LGALS9C: variants seen among roughly 807,000 people sequenced by gnomAD.
LGALS9C encodes the protein galectin-9C.
LGALS9C carries 7 observed loss-of-function variants against 41.3 expected under a neutral mutation model. That is an observed-to-expected ratio of 0.17 (90% CI 0.10 to 0.32). LGALS9C has a LOEUF of 0.32. LGALS9C is among the 10% of genes least tolerant of loss of function. The pLI is 1.00. For synonymous variants in LGALS9C, 44 were observed against 171.0 expected (o/e 0.26, Z 5.80); for missense variants, 102 against 455.2 (o/e 0.22, Z 7.06).
Position 18,478,614 on chromosome 17 carries a change from C to T in LGALS9C, c.39+1721C>T, listed in dbSNP as rs1398479441. 3.3e-5 allele frequency among the ~76,000 whole-genome samples: 4 copies of T among 121,178 alleles called. 1 individual carries two copies. Among genetic ancestry groups the T allele is most frequent in the Non-Finnish European group, 6.1e-5 (3 of 49,350 alleles). 79.5% of individuals were successfully genotyped at this position (121,178 alleles called of 152,430 possible). ...ACTCCCACTTCTTGTCTGGCCTCAT[C>T]TAGCCCAGCCTCTTTGGAGGGCTGG... On this transcript the variant is annotated intron_variant, in intron 1 of 10. Coordinates refer to ENST00000328114, the MANE Select transcript of LGALS9C (RefSeq NM_001040078.3).
chr17:18,481,896 T>A (rs1410634584), intron 1 of LGALS9C, among the ~76,000 whole-genome samples: 1 of 138,140 alleles, frequency 7.2e-6, no homozygotes, highest in East Asian at 1.9e-4. Flanking sequence ...GGCTAGTGGG[T>A]GTTTTCTGTT....
chr17:18,492,139 G>C, intron 8 of LGALS9C, 150 bp downstream of exon 8: 1 of 374,912 alleles, frequency 2.7e-6, no homozygotes, highest in Non-Finnish European at 5.0e-6. Flanking sequence ...GCGTCCCAGT[G>C]AATTAGAAGA....
rs569757586 is a variant in LGALS9C, at chr17:18,488,794, C to T, written c.445-147C>T. On this transcript the variant is annotated intron_variant, in intron 4 of 10. Transcript: ENST00000328114. ...GCTGCTCACCGAAGCCTGGCCCTTT[C>T]CGCTCCCGCCTCCGTGTGGCCCTAA... 1.3e-4 allele frequency: 157 copies of T among 1,235,180 alleles called. 3 individuals are homozygous for T. The East Asian group carries it at 3.9e-3, about 31-fold the overall frequency. The allele number at this position is 1,235,180 out of a possible 1,614,324, so 76.5% of individuals were successfully genotyped here.
At chr17:18,481,993 C>T (rs1457253585) in intron 1 of LGALS9C, among the ~76,000 whole-genome samples, 8 of 150,110 alleles carry the variant, frequency 5.3e-5, no homozygotes, top group Admixed American at 4.0e-4. Context: ...ACACACCCAT[C>T]ACTCTGCTCC....
At chr17:18,492,634 G>C (rs1989856147) in intron 9 of LGALS9C, 63 bp from the exon 10 acceptor site, 1 of 1,513,252 alleles carries the variant, frequency 6.6e-7, no homozygotes, top group African/African-American at 1.4e-5. Flanking sequence ...GGCTGGGGAT[G>C]ATGGGGAGGA....
intron 1 of LGALS9C, among the ~76,000 whole-genome samples, chr17:18,480,946 T>C (rs1427680142): frequency 6.8e-6 from 1 of 146,260 alleles, no homozygotes; most frequent in East Asian, 1.9e-4. Context: ...CGAGACCTGG[T>C]CTTTTCAAAA....
At position 18,477,107 on chromosome 17, in the gene LGALS9C, G is replaced by T. The variant is rs1174145784; in HGVS notation, c.39+214G>T. ...GAGAGATGCTCCTCCCATGAGTCAT[G>T]GGTTTGACAGTGTTGGCTGAGCTGT... On this transcript the variant is annotated intron_variant, in intron 1 of 10. Coordinates refer to ENST00000328114, the MANE Select transcript of LGALS9C (RefSeq NM_001040078.3). Among the ~76,000 whole-genome samples the T allele has an allele frequency of 1.5e-5, 2 of 135,200 alleles. 1 individual carries two copies. The highest frequency in any genetic ancestry group is 3.5e-5 in the Non-Finnish European group (2 of 56,816). 88.7% of individuals were successfully genotyped at this position (135,200 alleles called of 152,430 possible).
chr17:18,478,376 C>T (rs2151660170), intron 1 of LGALS9C, among the ~76,000 whole-genome samples: 1 of 120,450 alleles, frequency 8.3e-6, no homozygotes, highest in East Asian at 2.0e-4. Flanking sequence ...GGAGCTCAGA[C>T]AAGAAAGACG....
At chr17:18,493,767 G>A (rs1273771537) in intron 10 of LGALS9C, among the ~76,000 whole-genome samples, 1 of 142,498 alleles carries the variant, frequency 7.0e-6, no homozygotes, top group East Asian at 1.9e-4. Context: ...CTGTAAGAAT[G>A]GAATGAGGCA....
Position 18,487,776 on chromosome 17 carries a change from C to T in LGALS9C, c.444+19C>T, listed in dbSNP as rs774276797. 1.9e-6 allele frequency: 3 copies of T among 1,577,718 alleles called. 1 individual carries two copies. The highest frequency in any genetic ancestry group is 3.4e-5 in the Admixed American group (2 of 58,900). ...CTTCCAGGTCAGACTGTCCACCTGG[C>T]ACCGGTCCCAGGGGCTGGGATGCAG... On this transcript the variant is annotated intron_variant, in intron 4 of 10. Transcript: ENST00000328114.
chr17:18,491,523 G>A (rs1353149418), intron 7 of LGALS9C, among the ~76,000 whole-genome samples, 200 bp downstream of exon 7: 20 of 142,306 alleles, frequency 1.4e-4, no homozygotes, highest in African/African-American at 4.7e-4. Context: ...ATCCAGTGGT[G>A]GAAGAGGCAG....
Position 18,492,536 on chromosome 17 carries a change from G to C in LGALS9C, c.752G>C (p.Ser251Thr). ...ATCCTGTCAGGCACTGTCCTGCCCAGTGCTCAGAGGTAAGCCAAAGGCTCC... is the reference window on the plus strand; with the variant it reads ...ATCCTGTCAGGCACTGTCCTGCCCACTGCTCAGAGGTAAGCCAAAGGCTCC... ...SIILSGTVLP[S>T]AQRFHINLCS... The change falls in exon 9 of 11, where the codon AGT (serine) becomes ACT (threonine). Residue 251 changes from serine to threonine, a missense_variant. Ser to Thr is a moderately conservative substitution (Grantham distance 58). Transcript: ENST00000328114. The C allele has an allele frequency of 6.3e-7, 1 of 1,578,310 alleles. No individual in the cohort carries two copies. The highest frequency in any genetic ancestry group is 8.7e-7 in the Non-Finnish European group (1 of 1,153,188).
chr17:18,484,686 GCT>G (rs1381164843), intron 2 of LGALS9C, among the ~76,000 whole-genome samples: 3 of 150,548 alleles, frequency 2.0e-5, no homozygotes, highest in African/African-American at 7.2e-5. Context: ...TGGACTCATG[GCT>G]CTCTCTCGGA....
chr17:18,489,980 C>T (rs1391008044), intron 5 of LGALS9C: 3 of 115,112 alleles, frequency 2.6e-5, no homozygotes, highest in East Asian at 2.1e-4. Flanking sequence ...GCAGGATCCA[C>T]GACAAGGAGG....
chr17:18,488,696 T>G (rs1989690624), intron 4 of LGALS9C, among the ~76,000 whole-genome samples: 1 of 127,100 alleles, frequency 7.9e-6, no homozygotes, highest in Non-Finnish European at 1.9e-5. Context: ...TCATCTCTCA[T>G]TCCCTCCTTC....
Position 18,487,635 on chromosome 17 carries a change from C to T in LGALS9C, c.334-12C>T. On this transcript the variant is annotated splice_polypyrimidine_tract_variant and intron_variant, in intron 3 of 10. Coordinates refer to ENST00000328114, the MANE Select transcript of LGALS9C (RefSeq NM_001040078.3). ...GGGCACCTCCCCCGAAATACGTGCT[C>T]TCCTCTGGCAGGTGATGGTGAACGG... The T allele has an allele frequency of 6.9e-7, 1 of 1,452,668 alleles. No individual in the cohort carries two copies. The highest frequency in any genetic ancestry group is 9.4e-7 in the Non-Finnish European group (1 of 1,061,604). The allele number at this position is 1,452,668 out of a possible 1,614,324, so 90.0% of individuals were successfully genotyped here.
rs1182661543 is a variant in LGALS9C, at chr17:18,482,986, C to T, written c.40-889C>T. Among the ~76,000 whole-genome samples the T allele has an allele frequency of 1.6e-5, 2 of 124,562 alleles. 1 individual carries two copies. Among genetic ancestry groups the T allele is most frequent in the Non-Finnish European group, 3.9e-5 (2 of 51,228 alleles). The allele number at this position is 124,562 out of a possible 152,430, so 81.7% of individuals were successfully genotyped here. On this transcript the variant is annotated intron_variant, in intron 1 of 10. Transcript: ENST00000328114. The stretch of plus-strand genomic sequence containing the variant: ...TACCACAGGCTTTTTCTCACAAAAT[C>T]ATCAATCATATGCAGTAGGAGAAAC...
chr17:18,492,654 C>A (rs775412430), intron 9 of LGALS9C, 43 bp from the exon 10 acceptor site: 1 of 1,514,198 alleles, frequency 6.6e-7, no homozygotes, highest in Non-Finnish European at 9.1e-7. Flanking sequence ...AAATGGGGCT[C>A]AGAACTCAGT....
rs1262139926 is a variant in LGALS9C at position 18,494,061 on chromosome 17, C to G, written c.925-160C>G. On this transcript the variant is annotated intron_variant, in intron 10 of 10. Transcript: ENST00000328114. ...AGGGAACAGTACAGGGGAAGGAGCA[C>G]GCACAGCCTGTTTAGTGAAGAGCCG... 1.6e-5 allele frequency among the ~76,000 whole-genome samples: 2 copies of G among 127,184 alleles called. 1 individual carries two copies. The highest frequency in any genetic ancestry group is 3.7e-5 in the Non-Finnish European group (2 of 54,314). 83.4% of individuals were successfully genotyped at this position (127,184 alleles called of 152,430 possible).
Sources: allele counts gnomAD v4.1 joint callset (sites outside exome capture counted in the v4.1 genomes callset), GRCh38; gene constraint gnomAD v4.1.1; transcripts MANE v1.5; gene names NCBI Gene and HGNC (gene_info 2026-07-23, HGNC 2026-07-21).